PCDH18: variants seen among roughly 807,000 people sequenced by gnomAD.
The protein encoded by PCDH18 is protocadherin-18.
A neutral mutation model predicts 71.5 loss-of-function variants in PCDH18; 38 were observed. That is an observed-to-expected ratio of 0.53 (90% CI 0.41 to 0.70). PCDH18 has a LOEUF of 0.70. PCDH18 is among the 30% of genes least tolerant of loss of function. The probability of loss-of-function intolerance (pLI) is 0.00; values close to 1 mark genes in which losing one functional copy is unlikely to be tolerated. For missense variants in PCDH18, 1,334 were observed against 1,384.6 expected (o/e 0.96, Z 0.58); for synonymous variants, 565 against 505.4 (o/e 1.12, Z -1.58).
chr4:137,524,727 C>T (rs1294367183), intron 3 of PCDH18, among the ~76,000 whole-genome samples: 3 of 152,082 alleles, frequency 2.0e-5, no homozygotes. Context: ...ATTCCATTGC[C>T]CTTTGAATGC....
chr4:137,523,503 T>G (rs2149212573), intron 3 of PCDH18, among the ~76,000 whole-genome samples: 1 of 152,222 alleles, frequency 6.6e-6, no homozygotes, highest in African/African-American at 2.4e-5. Context: ...AACTTAGACC[T>G]GTCTCTATTG....
Position 137,532,331 on chromosome 4 carries a change from C to T in PCDH18, c.-243G>A. On this transcript the variant is annotated 5_prime_UTR_variant, in exon 1 of 4. Coordinates refer to ENST00000344876, the MANE Select transcript of PCDH18 (RefSeq NM_019035.5). Reference sequence around the variant, plus strand: ...TTTGGTCGTTCGTCCTCTTTCCAGGCAGGAGAGTGTCACCTCCGCGTTTTC... The same window carrying T: ...TTTGGTCGTTCGTCCTCTTTCCAGGTAGGAGAGTGTCACCTCCGCGTTTTC... The T allele has an allele frequency of 8.5e-6, 6 of 702,552 alleles. No homozygotes were observed. In the South Asian group the frequency reaches 8.9e-5, roughly 10 times the overall value. The allele number at this position is 702,552 out of a possible 1,614,324, so 43.5% of individuals were successfully genotyped here.
rs776582189 is a variant in PCDH18, at chr4:137,520,791, ATTTG to A, written c.*234_*237del. 2.7e-5 allele frequency: 11 copies of A among 403,140 alleles called. No homozygotes were observed. Among genetic ancestry groups the A allele is most frequent in the African/African-American group, 6.2e-5 (3 of 48,632 alleles). 25.0% of individuals were successfully genotyped at this position (403,140 alleles called of 1,614,324 possible). On this transcript the variant is annotated 3_prime_UTR_variant, in exon 4 of 4. Transcript: ENST00000344876. ...TCTGTCATGGGAGTAAAAAAATAAA[ATTTG>A]TTTGTTAAATTACACATAAATATAA...
At chr4:137,527,446 A>T (rs1230445225) in intron 3 of PCDH18, among the ~76,000 whole-genome samples, 1 of 152,158 alleles carries the variant, frequency 6.6e-6, no homozygotes, top group African/African-American at 2.4e-5. Flanking sequence ...CTTTCAATTA[A>T]CAGTTGGTTG....
At position 137,521,425 on chromosome 4, in the gene PCDH18, C is replaced by T; in HGVS notation, c.3012G>A (p.Leu1004=). Reference sequence around the variant, plus strand: ...GGAACACACTGCTCATTTCCGAGAGCAGAGATGATGTGCTGGTATCCCCAG... The same window carrying T: ...GGAACACACTGCTCATTTCCGAGAGTAGAGATGATGTGCTGGTATCCCCAG... ...EDTGDTSTSS[L]LSEMSSVFQR... Residue 1004 remains leucine, a synonymous_variant, in exon 4 of 4, where the codon CTG becomes CTA. Transcript: ENST00000344876. The T allele has an allele frequency of 2.5e-6, 4 of 1,614,178 alleles. No homozygotes were observed. The South Asian group carries it at 4.4e-5, about 18-fold the overall frequency.
chr4:137,531,361 C>T lies in PCDH18; in HGVS notation c.728G>A (p.Ser243Asn). The change falls in exon 1 of 4, where the codon AGC becomes AAC. Residue 243 changes from serine (S) to asparagine (N), a missense_variant. By Grantham distance (46) the Ser-to-Asn change is conservative. Transcript: ENST00000344876. ...ATAAGATTGCTGCTCAAAAGCAGGG[C>T]TGTTGTCATTGGAGTCTGAAATGCT... ...KISISDSNDN[S>N]PAFEQQSYII... 1 of 1,613,622 alleles carries T rather than the reference C, an allele frequency of 6.2e-7. No homozygotes were observed. Among genetic ancestry groups the T allele is most frequent in the African/African-American group, 1.3e-5 (1 of 74,990 alleles).
At chr4:137,522,764 A>T (rs1731337464) in intron 3 of PCDH18, among the ~76,000 whole-genome samples, 1 of 152,166 alleles carries the variant, frequency 6.6e-6, no homozygotes, top group African/African-American at 2.4e-5. Flanking sequence ...AATTATTGCT[A>T]AAAAGGTGAC....
At chr4:137,522,443 A>G (rs1398864602) in intron 3 of PCDH18, among the ~76,000 whole-genome samples, 1 of 152,188 alleles carries the variant, frequency 6.6e-6, no homozygotes, top group Non-Finnish European at 1.5e-5. Context: ...TAGGAAAAAA[A>G]ATAGATGATA....
rs150085543 is a variant in PCDH18, at chr4:137,531,539, T to C, written c.550A>G (p.Ile184Val). The C allele has an allele frequency of 1.2e-6, 2 of 1,613,224 alleles. No homozygotes were observed. Among genetic ancestry groups the C allele is most frequent in the Non-Finnish European group, 1.7e-6 (2 of 1,179,666 alleles). Residue 184 changes from isoleucine (I) to valine (V), a missense_variant, in exon 1 of 4, where the codon ATC becomes GTC. Ile to Val is a conservative substitution (Grantham distance 29). This residue lies in a region of PCDH18 where 1,011 missense variants were observed against 1,048.0 expected (regional missense o/e 0.96). Transcript: ENST00000344876. Reference sequence around the variant, plus strand: ...CCATCAGTCCTGGTCCGAACCTCGATATTAAAAAAATCATTGGCAGAGAGC... The same window carrying C: ...CCATCAGTCCTGGTCCGAACCTCGACATTAAAAAAATCATTGGCAGAGAGC... Reference protein sequence around the residue: ...YSLSANDFFNIEVRTRTDGAK... With the variant: ...YSLSANDFFNVEVRTRTDGAK...
At position 137,521,263 on chromosome 4, in the gene PCDH18, G is replaced by A; in HGVS notation, c.3174C>T (p.Ala1058=). ...GYPQGVAAWA[A]STHFQNPTTN... is the part of the protein sequence containing the mutation. The stretch of plus-strand genomic sequence containing the variant: ...TGGTGGGATTTTGAAAATGCGTACT[G>A]GCTGCCCATGCCGCTACCCCCTGTG... Residue 1058 remains alanine, a synonymous_variant, in exon 4 of 4, where the codon GCC becomes GCT. Coordinates refer to ENST00000344876, the MANE Select transcript of PCDH18 (RefSeq NM_019035.5). The A allele has an allele frequency of 1.2e-6, 2 of 1,614,152 alleles. No homozygotes were observed. The highest frequency in any genetic ancestry group is 1.7e-6 in the Non-Finnish European group (2 of 1,180,008).
chr4:137,522,812 G>A (rs2149212222), intron 3 of PCDH18, among the ~76,000 whole-genome samples: 1 of 152,258 alleles, frequency 6.6e-6, no homozygotes, highest in East Asian at 1.9e-4. Context: ...GAGGAAACAA[G>A]TTGTCTATTG....
chr4:137,532,472 T>C lies in PCDH18; in HGVS notation c.-384A>G. The C allele has an allele frequency of 1.6e-6, 1 of 630,678 alleles. No homozygotes were observed. The highest frequency in any genetic ancestry group is 2.8e-6 in the Non-Finnish European group (1 of 351,058). 39.1% of individuals were successfully genotyped at this position (630,678 alleles called of 1,614,324 possible). A position where few individuals can be genotyped will look rare whatever the true frequency, so the allele number is the denominator to read the frequency against. On this transcript the variant is annotated 5_prime_UTR_variant, in exon 1 of 4. Coordinates refer to ENST00000344876, the MANE Select transcript of PCDH18 (RefSeq NM_019035.5). ...TCGGCTGCAGACTAAACACCCGTGA[T>C]TGCTGACTCCAGTCTAAAATCTGTA...
chr4:137,521,023 A>C lies in PCDH18; in HGVS notation c.*6T>G. On this transcript the variant is annotated 3_prime_UTR_variant, in exon 4 of 4. Coordinates refer to ENST00000344876, the MANE Select transcript of PCDH18 (RefSeq NM_019035.5). Reference sequence around the variant, plus strand: ...CATGGAAACAAAAATGCTTCGCTAAAATCTCCTAGCTCTGGCGGACATCTT... The same window carrying C: ...CATGGAAACAAAAATGCTTCGCTAACATCTCCTAGCTCTGGCGGACATCTT... 1 of 1,553,650 alleles carries C rather than the reference A, an allele frequency of 6.4e-7. No homozygotes were observed. The highest frequency in any genetic ancestry group is 8.7e-7 in the Non-Finnish European group (1 of 1,146,898).
At chr4:137,528,991 A>G (rs763100530) in intron 1 of PCDH18, 171 bp from the exon 2 acceptor site, 8 of 600,562 alleles carry the variant, frequency 1.3e-5, no homozygotes, top group Non-Finnish European at 2.4e-5. Flanking sequence ...CCAGCTACCA[A>G]CTATAACTAA....
chr4:137,532,027 A>G lies in PCDH18; in HGVS notation c.62T>C (p.Phe21Ser), dbSNP rs2149216946. The change falls in exon 1 of 4, where the codon TTC becomes TCC. Residue 21 changes from phenylalanine (F) to serine (S), a missense_variant. Phe to Ser is a radical substitution (Grantham distance 155). This residue lies in a region of PCDH18 where 1,011 missense variants were observed against 1,048.0 expected (regional missense o/e 0.96). Coordinates refer to ENST00000344876, the MANE Select transcript of PCDH18 (RefSeq NM_019035.5). ...RFVFALLIVSFNHDVLGKNLK... is the reference protein window; with the variant it reads ...RFVFALLIVSSNHDVLGKNLK... ...ATTCTTGCCCAGTACATCGTGGTTG[A>G]AAGATACTATCAGAAGTGCAAAAAC... 6.2e-7 allele frequency: 1 copy of G among 1,613,750 alleles called. No homozygotes were observed. Among genetic ancestry groups the G allele is most frequent in the East Asian group, 2.2e-5 (1 of 44,854 alleles).
At chr4:137,526,781 C>T (rs1473375738) in intron 3 of PCDH18, among the ~76,000 whole-genome samples, 3 of 151,806 alleles carry the variant, frequency 2.0e-5, no homozygotes, top group South Asian at 2.1e-4. Context: ...AACATAAGAA[C>T]AATGAGGACA....
At chr4:137,529,410 T>C (rs1240800567) in intron 1 of PCDH18, 192 bp downstream of exon 1, 5 of 473,742 alleles carry the variant, frequency 1.1e-5, no homozygotes, top group Admixed American at 3.5e-5. Context: ...AGTTATTTAC[T>C]TAAGGAAAAC....
rs771965470 is a variant in PCDH18, at chr4:137,530,278, C to T, written c.1811G>A (p.Arg604Lys). The T allele has an allele frequency of 4.3e-6, 7 of 1,613,940 alleles. No homozygotes were observed. Among genetic ancestry groups the T allele is most frequent in the Non-Finnish European group, 5.9e-6 (7 of 1,179,942 alleles). The change falls in exon 1 of 4, where the codon AGG becomes AAG. Residue 604 changes from arginine (R) to lysine (K), a missense_variant. Physicochemically the swap from Arg to Lys is conservative, Grantham distance 26. This residue lies in a region of PCDH18 where 1,011 missense variants were observed against 1,048.0 expected (regional missense o/e 0.96). Coordinates refer to ENST00000344876, the MANE Select transcript of PCDH18 (RefSeq NM_019035.5). Reference sequence around the variant, plus strand: ...CACACCAGAGTCTCTGTCAATTGCCCTTATTCTTGTGACATGAAAGCCACT... The same window carrying T: ...CACACCAGAGTCTCTGTCAATTGCCTTTATTCTTGTGACATGAAAGCCACT... The part of the protein sequence containing the change: ...AESGFHVTRI[R>K]AIDRDSGVNA...
At position 137,532,475 on chromosome 4, in the gene PCDH18, C is replaced by T; in HGVS notation, c.-387G>A. On this transcript the variant is annotated 5_prime_UTR_variant, in exon 1 of 4. Coordinates refer to ENST00000344876, the MANE Select transcript of PCDH18 (RefSeq NM_019035.5). ...GCTGCAGACTAAACACCCGTGATTG[C>T]TGACTCCAGTCTAAAATCTGTACAA... 1.6e-6 allele frequency: 1 copy of T among 626,718 alleles called. No homozygotes were observed. Among genetic ancestry groups the T allele is most frequent in the Non-Finnish European group, 2.9e-6 (1 of 349,246 alleles). The allele number at this position is 626,718 out of a possible 1,614,324, so 38.8% of individuals were successfully genotyped here.
Sources: gnomAD v4.1 joint callset for allele counts (sites outside exome capture counted in the v4.1 genomes callset) on GRCh38, gnomAD v4.1.1 for gene constraint, gnomAD v4.1.1 regional missense constraint, MANE v1.5 for transcripts, NCBI Gene and HGNC (gene_info 2026-07-23, HGNC 2026-07-21) for gene names.